The following NF2 variants were observed in gnomAD, a reference collection of about 807,000 sequenced individuals.
NF2 encodes NF2, moesin-ezrin-radixin like (MERLIN) tumor suppressor.
In NF2, 8 loss-of-function variants were observed where a neutral mutation model predicts 83.7. The ratio of observed to expected loss-of-function variants is 0.10; its 90% CI spans 0.06 to 0.17. The LOEUF (loss-of-function observed/expected upper bound fraction) is 0.17. Ranked by LOEUF, NF2 falls within the 10% of genes least tolerant of loss-of-function variation. The probability of loss-of-function intolerance (pLI) is 1.00; values close to 1 mark genes in which losing one functional copy is unlikely to be tolerated. For missense variants in NF2, 533 were observed against 744.4 expected, an observed-to-expected ratio of 0.72 and a Z score of 3.31; for synonymous variants, 266 against 269.6, an observed-to-expected ratio of 0.99 and a Z score of 0.13.
At chr22:29,652,761 ACCTTAGG>A (rs1057225441) in intron 4 of NF2, among the ~76,000 whole-genome samples, 1 of 152,104 alleles carries the variant, frequency 6.6e-6, no homozygotes, top group Non-Finnish European at 1.5e-5. Context: ...GTAGGATAAA[ACCTTAGG>A]CAGCCTGCCT....
intron 14 of NF2, among the ~76,000 whole-genome samples, chr22:29,678,986 C>A (rs1019990664): frequency 2.6e-5 from 4 of 152,260 alleles, no homozygotes; most frequent in Non-Finnish European, 5.9e-5. Flanking sequence ...AGTTGGTTAA[C>A]TGCTGCTGCT....
At chr22:29,675,604 C>G (rs1198961171) in intron 13 of NF2, among the ~76,000 whole-genome samples, 1 of 151,954 alleles carries the variant, frequency 6.6e-6, no homozygotes, top group Non-Finnish European at 1.5e-5. Flanking sequence ...CCTGGAGGAG[C>G]AGGAGAGGCT....
intron 1 of NF2, among the ~76,000 whole-genome samples, chr22:29,608,654 G>A (rs150807344): frequency 8.0e-5 from 12 of 149,292 alleles, no homozygotes; most frequent in African/African-American, 2.2e-4. Context: ...GGGTGACAGA[G>A]CGAGACTCCA....
rs759475738 is a variant in NF2, at chr22:29,655,693, G to A, written c.599+17G>A. The A allele has an allele frequency of 4.3e-5, 66 of 1,550,310 alleles. No individual in the cohort carries two copies. The highest frequency in any genetic ancestry group is 5.2e-5 in the Non-Finnish European group (59 of 1,126,894). On this transcript the variant is annotated intron_variant, in intron 6 of 15. Transcript: ENST00000338641. The stretch of plus-strand genomic sequence containing the variant: ...CCGAGCCAGGTGAGGCCCATTCATT[G>A]TTGGTTTACATTCCTTTATGGGCTT...
At position 29,696,437 on chromosome 22, in the gene NF2, G is replaced by C; in HGVS notation, c.*1635G>C. The stretch of plus-strand genomic sequence containing the variant: ...GGCTGTTATGCAAAGCAGGTGATTT[G>C]TCTTAATCAGATAAAAGATAGAGGC... On this transcript the variant is annotated 3_prime_UTR_variant, in exon 16 of 16. Transcript: ENST00000338641. 4.5e-6 allele frequency: 1 copy of C among 221,392 alleles called. No individual in the cohort carries two copies. The highest frequency in any genetic ancestry group is 5.8e-5 in the Admixed American group (1 of 17,334). The allele number at this position is 221,392 out of a possible 1,614,324, so 13.7% of individuals were successfully genotyped here. A position where few individuals can be genotyped will look rare whatever the true frequency, so the allele number is the denominator to read the frequency against.
chr22:29,631,846 G>A (rs1159708785), intron 1 of NF2, among the ~76,000 whole-genome samples: 1 of 152,212 alleles, frequency 6.6e-6, no homozygotes, highest in African/African-American at 2.4e-5. Flanking sequence ...CAAAGCACAA[G>A]GAAGTTCAGT....
At chr22:29,680,405 C>T (rs1172311666) in intron 14 of NF2, among the ~76,000 whole-genome samples, 2 of 152,250 alleles carry the variant, frequency 1.3e-5, no homozygotes, top group African/African-American at 2.4e-5. Context: ...CCACCACACC[C>T]AGCCGGTGAT....
chr22:29,657,691 T>A (rs1215001865), intron 6 of NF2, among the ~76,000 whole-genome samples: 1 of 152,200 alleles, frequency 6.6e-6, no homozygotes, highest in Non-Finnish European at 1.5e-5. Flanking sequence ...ATGAAGGTGA[T>A]CTGACTTGGG....
chr22:29,671,213 C>T (rs2066773848), intron 10 of NF2, among the ~76,000 whole-genome samples: 1 of 152,136 alleles, frequency 6.6e-6, no homozygotes, highest in Admixed American at 6.6e-5. Context: ...GGCAAGGTAG[C>T]CATTTCAGTG....
chr22:29,655,153 C>T (rs1305048214), intron 5 of NF2, among the ~76,000 whole-genome samples: 1 of 152,158 alleles, frequency 6.6e-6, no homozygotes, highest in African/African-American at 2.4e-5. Context: ...AGCAGGCCCG[C>T]CCTCCCTTTT....
At chr22:29,658,356 G>A (rs2066377161) in intron 7 of NF2, 92 bp downstream of exon 7, 9 of 1,077,146 alleles carry the variant, frequency 8.4e-6, no homozygotes, top group Non-Finnish European at 1.3e-5. Flanking sequence ...ATTCCAAGGC[G>A]ATAGACTCTT....
At chr22:29,610,516 G>A (rs2064923363) in intron 1 of NF2, among the ~76,000 whole-genome samples, 1 of 151,852 alleles carries the variant, frequency 6.6e-6, no homozygotes, top group Admixed American at 6.6e-5. Flanking sequence ...GGTGGAGTGC[G>A]CCTGTAGTCC....
chr22:29,693,896 G>C (rs747645080), intron 15 of NF2, among the ~76,000 whole-genome samples: 22 of 152,208 alleles, frequency 1.4e-4, no homozygotes, highest in Non-Finnish European at 3.1e-4. Context: ...CACACCCAAG[G>C]CATTGATTTC....
intron 15 of NF2, among the ~76,000 whole-genome samples, chr22:29,687,182 G>A (rs992044114): frequency 4.6e-5 from 7 of 152,204 alleles, no homozygotes; most frequent in Non-Finnish European, 1.0e-4. Flanking sequence ...GGTCTCCCAA[G>A]GAGCACAGGA....
rs1261059871 is a variant in NF2, at chr22:29,697,817, C to T, written c.*3015C>T. 14 of 182,834 alleles carry T rather than the reference C, an allele frequency of 7.7e-5. No homozygotes were observed. The highest frequency in any genetic ancestry group is 1.2e-4 in the African/African-American group (5 of 42,484). 11.3% of individuals were successfully genotyped at this position (182,834 alleles called of 1,614,324 possible). On this transcript the variant is annotated 3_prime_UTR_variant, in exon 16 of 16. Transcript: ENST00000338641. The stretch of plus-strand genomic sequence containing the variant: ...CCGACCTCAGGTGATCTGCCCACCT[C>T]GGCCTCCCAAAGTGCTGGGATTACA...
chr22:29,670,503 TTGTGTG>T (rs131255), intron 10 of NF2, among the ~76,000 whole-genome samples: 45,006 of 146,286 alleles, frequency 0.31, 6,999 homozygotes, highest in Non-Finnish European at 0.36. Context: ...CTTTTTGAGC[TTGTGTG>T]TGTGTGTGTG....
chr22:29,660,410 A>G (rs2066443088), intron 7 of NF2, among the ~76,000 whole-genome samples: 1 of 152,236 alleles, frequency 6.6e-6, no homozygotes, highest in Non-Finnish European at 1.5e-5. Flanking sequence ...ATATATGCAC[A>G]ATCTAGATTC....
chr22:29,609,264 G>T (rs2064885612), intron 1 of NF2: 5 of 713,952 alleles, frequency 7.0e-6, no homozygotes, highest in Admixed American at 1.8e-5. Context: ...GGGTTTGGAG[G>T]GCATAAATTC....
intron 11 of NF2, among the ~76,000 whole-genome samples, 156 bp from the exon 12 acceptor site, chr22:29,673,113 G>C (rs925246852): frequency 2.6e-5 from 4 of 152,216 alleles, no homozygotes; most frequent in African/African-American, 9.6e-5. Context: ...TGGGGAATGT[G>C]GCTTGTCATT....
Sources: gnomAD v4.1 joint callset for allele counts (sites outside exome capture counted in the v4.1 genomes callset) on GRCh38, gnomAD v4.1.1 for gene constraint, MANE v1.5 for transcripts, NCBI Gene and HGNC (gene_info 2026-07-23, HGNC 2026-07-21) for gene names.